Variants in DLG2 observed in about 807,000 individuals in gnomAD.
DLG2 encodes the protein discs large MAGUK scaffold protein 2, also known as disks large homolog 2.
Under a neutral mutation model 132.5 loss-of-function variants are expected in DLG2, and 45 were observed. That is an observed-to-expected ratio of 0.34 (90% CI 0.27 to 0.44). The LOEUF is 0.44. Ranked by LOEUF, DLG2 falls within the 20% of genes least tolerant of loss-of-function variation. The pLI, the probability that DLG2 is intolerant of heterozygous loss-of-function variation, is 1.00. For synonymous variants in DLG2, 424 were observed against 419.6 expected (o/e 1.01, Z -0.13); for missense variants, 1,045 against 1,196.9 (o/e 0.87, Z 1.87).
chr11:84,868,119 AATTAT>A (rs2084901976), intron 6 of DLG2, among the ~76,000 whole-genome samples: 1 of 147,888 alleles, frequency 6.8e-6, no homozygotes, highest in Non-Finnish European at 1.5e-5. Context: ...ATATATTAAT[AATTAT>A]ATTTATTAAT....
chr11:83,540,928 C>A (rs1485379506), intron 20 of DLG2, among the ~76,000 whole-genome samples: 1 of 152,068 alleles, frequency 6.6e-6, no homozygotes, highest in Non-Finnish European at 1.5e-5. Flanking sequence ...AAGGAAAGTT[C>A]CTGTCTGGTG....
chr11:84,720,279 CAT>C, intron 6 of DLG2: 1 of 985,466 alleles, frequency 1.0e-6, no homozygotes, highest in Non-Finnish European at 1.2e-6. Context: ...ATTAAAAAGA[CAT>C]GAACCTCTTC....
chr11:84,730,209 C>G (rs1596706106), intron 6 of DLG2, among the ~76,000 whole-genome samples: 1 of 151,972 alleles, frequency 6.6e-6, no homozygotes, highest in African/African-American at 2.4e-5. Context: ...TGGACACTTG[C>G]TATGCAATTC....
At chr11:83,889,821 G>A (rs1565514682) in intron 15 of DLG2, among the ~76,000 whole-genome samples, 1 of 152,048 alleles carries the variant, frequency 6.6e-6, no homozygotes, top group Non-Finnish European at 1.5e-5. Flanking sequence ...GGACATGGAT[G>A]AAATTGGAAA....
chr11:85,180,711 T>C (rs1459491656), intron 4 of DLG2, among the ~76,000 whole-genome samples: 1 of 151,818 alleles, frequency 6.6e-6, no homozygotes, highest in Non-Finnish European at 1.5e-5. Flanking sequence ...GAGCTGCAAA[T>C]GTACTTATGG....
intron 6 of DLG2, among the ~76,000 whole-genome samples, chr11:84,770,915 G>A (rs2069255800): frequency 6.6e-6 from 1 of 151,666 alleles, no homozygotes; most frequent in Admixed American, 6.6e-5. Flanking sequence ...GCCTCCCATA[G>A]TGCTGGGATT....
At chr11:84,365,818 A>T (rs1474069795) in intron 7 of DLG2, among the ~76,000 whole-genome samples, 1 of 151,974 alleles carries the variant, frequency 6.6e-6, no homozygotes, top group African/African-American at 2.4e-5. Flanking sequence ...GTAGTTGAAA[A>T]GACCAAATCT....
chr11:84,912,245 T>A (rs1468595300), intron 6 of DLG2, among the ~76,000 whole-genome samples: 1 of 152,210 alleles, frequency 6.6e-6, no homozygotes, highest in African/African-American at 2.4e-5. Flanking sequence ...AAGCGCCACC[T>A]CCTGGGTTCA....
rs112639603 is a variant in DLG2, at chr11:84,249,420, G to A, written c.573+1818C>T. Among the ~76,000 whole-genome samples the A allele has an allele frequency of 5.6e-3, 855 of 152,260 alleles. 10 individuals carry two copies. Among genetic ancestry groups the A allele is most frequent in the South Asian group, 0.02 (96 of 4,826 alleles). ...AAGAAAGAAACACAGGTAACAGCAT[G>A]TTAGAAATTAAATAAGACTTCTAAC... On this transcript the variant is annotated intron_variant, in intron 8 of 27. Coordinates refer to ENST00000376104, the MANE Select transcript of DLG2 (RefSeq NM_001142699.3).
chr11:84,207,059 A>ATCTT (rs1555421959), intron 8 of DLG2, among the ~76,000 whole-genome samples: 2 of 145,514 alleles, frequency 1.4e-5, no homozygotes, highest in Non-Finnish European at 3.0e-5. Context: ...ATAAGAATAA[A>ATCTT]TCTCTCTCTC....
intron 6 of DLG2, among the ~76,000 whole-genome samples, chr11:84,774,139 T>C (rs1283400507): frequency 2.0e-5 from 3 of 151,998 alleles, no homozygotes; most frequent in Non-Finnish European, 4.4e-5. Flanking sequence ...TAAATACCAA[T>C]AAAGTTCAAG....
At chr11:83,933,233 C>A (rs753539443) in intron 14 of DLG2, among the ~76,000 whole-genome samples, 15 of 152,192 alleles carry the variant, frequency 9.9e-5, no homozygotes, top group Non-Finnish European at 1.6e-4. Context: ...GTGAATCAGC[C>A]AGTCATAATT....
At chr11:85,522,272 G>A (rs77722148) in intron 3 of DLG2, among the ~76,000 whole-genome samples, 17,154 of 152,198 alleles carry the variant, frequency 0.11, 1,193 homozygotes, top group East Asian at 0.28. Flanking sequence ...GGTTCTGTGG[G>A]TGCACAGAAG....
chr11:85,338,543 G>A (rs2082278667), intron 3 of DLG2, among the ~76,000 whole-genome samples: 3 of 151,794 alleles, frequency 2.0e-5, no homozygotes, highest in African/African-American at 4.8e-5. Flanking sequence ...TTAGTTTGGT[G>A]GTGTGTGAAG....
chr11:83,851,602 G>A (rs2059786363), intron 16 of DLG2, among the ~76,000 whole-genome samples: 1 of 147,036 alleles, frequency 6.8e-6, no homozygotes, highest in African/African-American at 2.5e-5. Context: ...ACTCCAGCCT[G>A]AGCAATAAGA....
chr11:84,683,896 G>A (rs2099735764), intron 6 of DLG2, among the ~76,000 whole-genome samples: 1 of 152,116 alleles, frequency 6.6e-6, no homozygotes, highest in Non-Finnish European at 1.5e-5. Context: ...AGTTATAAAT[G>A]TTGACTTATT....
chr11:85,528,062 T>A (rs2074917098), intron 3 of DLG2, among the ~76,000 whole-genome samples: 1 of 152,236 alleles, frequency 6.6e-6, no homozygotes, highest in Non-Finnish European at 1.5e-5. Context: ...TTATTTAAGT[T>A]CTTTGTAGAT....
intron 19 of DLG2, among the ~76,000 whole-genome samples, chr11:83,610,367 T>C (rs1233295304): frequency 1.3e-5 from 2 of 152,168 alleles, no homozygotes; most frequent in African/African-American, 4.8e-5. Context: ...CACGAATCTG[T>C]ATCAGTGTGG....
chr11:85,452,145 A>G (rs1298011256), intron 3 of DLG2: 3 of 152,188 alleles, frequency 2.0e-5, no homozygotes, highest in Non-Finnish European at 4.4e-5. Context: ...ATGCATCTAT[A>G]TGCTTGGTTT....
Sources: gnomAD v4.1 joint callset for allele counts (sites outside exome capture counted in the v4.1 genomes callset) on GRCh38, gnomAD v4.1.1 for gene constraint, MANE v1.5 for transcripts, NCBI Gene and HGNC (gene_info 2026-07-23, HGNC 2026-07-21) for gene names.